Variants in ADAMTS12 observed in about 807,000 individuals in gnomAD.
The protein encoded by ADAMTS12 is A disintegrin and metalloproteinase with thrombospondin motifs 12.
In ADAMTS12, 118 loss-of-function variants were observed where a neutral mutation model predicts 167.8. The ratio of observed to expected loss-of-function variants is 0.70; its 90% confidence interval spans 0.61 to 0.82. The LOEUF is 0.82. ADAMTS12 is among the 40% of genes least tolerant of loss of function. The pLI, the probability that ADAMTS12 is intolerant of heterozygous loss-of-function variation, is 0.00. For missense variants in ADAMTS12, 1,916 were observed against 1,998.8 expected, an observed-to-expected ratio of 0.96 and a Z score of 0.79; for synonymous variants, 704 against 716.9, an observed-to-expected ratio of 0.98 and a Z score of 0.29.
At chr5:33,678,167 A>G (rs1741986340) in intron 5 of ADAMTS12, among the ~76,000 whole-genome samples, 1 of 152,200 alleles carries the variant, frequency 6.6e-6, no homozygotes, top group Non-Finnish European at 1.5e-5. Context: ...CTCTAACTCC[A>G]TTTGTTGGTT....
intron 2 of ADAMTS12, among the ~76,000 whole-genome samples, chr5:33,843,820 G>C (rs1445805589): frequency 2.6e-5 from 4 of 152,170 alleles, no homozygotes; most frequent in Non-Finnish European, 5.9e-5. Context: ...CTGGACAAAG[G>C]TATGAGCAGG....
At chr5:33,542,500 G>A (rs2111794200) in intron 22 of ADAMTS12, among the ~76,000 whole-genome samples, 1 of 152,274 alleles carries the variant, frequency 6.6e-6, no homozygotes, top group Admixed American at 6.5e-5. Flanking sequence ...ATTCAGCTCT[G>A]CACCAAGCAA....
intron 2 of ADAMTS12, among the ~76,000 whole-genome samples, chr5:33,827,354 T>C (rs950246267): frequency 6.6e-6 from 1 of 151,962 alleles, no homozygotes; most frequent in Non-Finnish European, 1.5e-5. Context: ...GCTTCAGTCC[T>C]ACAGCTGCAA....
chr5:33,859,717 A>C (rs374046743), intron 2 of ADAMTS12, among the ~76,000 whole-genome samples: 2 of 152,256 alleles, frequency 1.3e-5, no homozygotes, highest in East Asian at 3.9e-4. Flanking sequence ...CTGACTGGGA[A>C]ACACCTCCCA....
intron 3 of ADAMTS12, among the ~76,000 whole-genome samples, chr5:33,685,996 A>G (rs1174794588): frequency 6.6e-6 from 1 of 152,078 alleles, no homozygotes; most frequent in East Asian, 1.9e-4. Context: ...GTTTTCTGAA[A>G]CGGCTGTTAC....
At chr5:33,555,339 G>C (rs745872049) in intron 20 of ADAMTS12, among the ~76,000 whole-genome samples, 5 of 152,076 alleles carry the variant, frequency 3.3e-5, no homozygotes, top group Non-Finnish European at 5.9e-5. Flanking sequence ...TTGCCTCTTG[G>C]GCTCAAGTGA....
intron 2 of ADAMTS12, among the ~76,000 whole-genome samples, chr5:33,873,874 C>T (rs188291324): frequency 3.4e-4 from 52 of 152,248 alleles, no homozygotes; most frequent in African/African-American, 1.2e-3. Flanking sequence ...AATCCAGACA[C>T]CCTTTGGGAA....
intron 19 of ADAMTS12, 127 bp downstream of exon 19, chr5:33,575,927 G>T (rs1746682233): frequency 7.3e-7 from 1 of 1,375,782 alleles, no homozygotes. Context: ...GCATGGGTCT[G>T]ATTGCTTCCT....
At chr5:33,788,999 C>T (rs1161723969) in intron 2 of ADAMTS12, among the ~76,000 whole-genome samples, 1 of 152,188 alleles carries the variant, frequency 6.6e-6, no homozygotes, top group African/African-American at 2.4e-5. Flanking sequence ...GAAATCCCAG[C>T]TGGCCAAAAA....
intron 2 of ADAMTS12, among the ~76,000 whole-genome samples, chr5:33,796,925 G>A (rs1200772035): frequency 6.6e-6 from 1 of 152,178 alleles, no homozygotes; most frequent in Non-Finnish European, 1.5e-5. Flanking sequence ...AAGACTGGAT[G>A]ATGAACTCAG....
At chr5:33,662,097 T>C (rs1165866096) in intron 5 of ADAMTS12, 57 bp from the exon 6 acceptor site, 1 of 1,587,292 alleles carries the variant, frequency 6.3e-7, no homozygotes, top group Non-Finnish European at 8.5e-7. Flanking sequence ...TCAGGGACCA[T>C]TGCATTAGGC....
chr5:33,621,399 CAAAAAA>C (rs202182365), intron 14 of ADAMTS12, among the ~76,000 whole-genome samples: 1 of 82,118 alleles, frequency 1.2e-5, no homozygotes, highest in South Asian at 3.7e-4. Context: ...GACTCCATCT[CAAAAAA>C]AAAAAAAAAA....
intron 2 of ADAMTS12, among the ~76,000 whole-genome samples, chr5:33,774,224 C>T (rs1745837804): frequency 6.6e-6 from 1 of 152,120 alleles, no homozygotes; most frequent in South Asian, 2.1e-4. Flanking sequence ...CCTAAGAATA[C>T]AGCCGTAAAC....
intron 19 of ADAMTS12, among the ~76,000 whole-genome samples, chr5:33,562,107 T>G (rs1161267235): frequency 1.3e-5 from 2 of 152,194 alleles, no homozygotes; most frequent in African/African-American, 4.8e-5. Context: ...CCTGGGGACC[T>G]TGCTAAATGC....
intron 5 of ADAMTS12, among the ~76,000 whole-genome samples, chr5:33,676,999 C>T (rs1741937693): frequency 6.6e-6 from 1 of 152,160 alleles, no homozygotes; most frequent in Non-Finnish European, 1.5e-5. Context: ...TGCCATTAGG[C>T]TCCTCCACTG....
intron 18 of ADAMTS12, 87 bp from the exon 19 acceptor site, chr5:33,577,247 A>T: frequency 6.3e-7 from 1 of 1,575,120 alleles, no homozygotes; most frequent in East Asian, 2.2e-5. Flanking sequence ...AACAGGCCTG[A>T]TGGAAACTAA....
chr5:33,833,144 T>C (rs1400649323), intron 2 of ADAMTS12, among the ~76,000 whole-genome samples: 1 of 152,202 alleles, frequency 6.6e-6, no homozygotes, highest in Admixed American at 6.5e-5. Flanking sequence ...TGATCATGAA[T>C]AACTATGGTG....
intron 7 of ADAMTS12, among the ~76,000 whole-genome samples, chr5:33,656,072 C>A (rs1741050423): frequency 6.6e-6 from 1 of 151,978 alleles, no homozygotes; most frequent in South Asian, 2.1e-4. Flanking sequence ...TTTTTTCCTG[C>A]ATAATTTGAA....
chr5:33,709,861 TAATAA>T lies in ADAMTS12; in HGVS notation c.635-25811_635-25807del, dbSNP rs1428304988. On this transcript the variant is annotated intron_variant, in intron 3 of 23. Coordinates refer to ENST00000504830, the MANE Select transcript of ADAMTS12 (RefSeq NM_030955.4). ...ATGTATTCCAGAAATTAAAATAAAA[TAATAA>T]AATAGAAAAAAACAAGTCAAAATCC... 2.6e-5 allele frequency among the ~76,000 whole-genome samples: 4 copies of T among 151,786 alleles called. No individual in the cohort carries two copies. The East Asian group carries it at 7.7e-4, about 29-fold the overall frequency.
Sources: allele counts gnomAD v4.1 joint callset (sites outside exome capture counted in the v4.1 genomes callset), GRCh38; gene constraint gnomAD v4.1.1; transcripts MANE v1.5; gene names NCBI Gene and HGNC (gene_info 2026-07-23, HGNC 2026-07-21).